TNIP3: variants seen among roughly 807,000 people sequenced by gnomAD.
TNIP3 encodes the protein TNFAIP3 interacting protein 3, also known as TNFAIP3-interacting protein 3.
A neutral mutation model predicts 54.1 loss-of-function variants in TNIP3; 34 were observed. The observed-to-expected ratio is 0.63, with a 90% CI of 0.48 to 0.84. TNIP3 has a LOEUF of 0.84. Ranked by LOEUF, TNIP3 falls within the 40% of genes least tolerant of loss-of-function variation. The probability of loss-of-function intolerance (pLI) is 0.00; values close to 1 mark genes in which losing one functional copy is unlikely to be tolerated. For missense variants in TNIP3, 366 were observed against 387.6 expected (o/e 0.94, Z 0.47); for synonymous variants, 134 against 136.8 (o/e 0.98, Z 0.14).
intron 3 of TNIP3, among the ~76,000 whole-genome samples, chr4:121,180,852 A>G (rs1032920828): frequency 6.6e-6 from 1 of 152,138 alleles, no homozygotes. Flanking sequence ...TCCAATAGTC[A>G]TTTCATATCT....
At chr4:121,186,638 C>T (rs1725038531) in intron 2 of TNIP3, among the ~76,000 whole-genome samples, 1 of 152,096 alleles carries the variant, frequency 6.6e-6, no homozygotes, top group Non-Finnish European at 1.5e-5. Context: ...GCCATATGTA[C>T]AATGCTTAGC....
At position 121,146,824 on chromosome 4, in the gene TNIP3, T is replaced by A. The variant is rs189464100; in HGVS notation, c.735+225A>T. ...AGGACTGTATTTTATTAAAAAAAAC[T>A]TTGGAATGCAATTTCTTGGGCAATT... On this transcript the variant is annotated intron_variant, in intron 7 of 10. Coordinates refer to ENST00000057513, the MANE Select transcript of TNIP3 (RefSeq NM_024873.6). Among the ~76,000 whole-genome samples the A allele has an allele frequency of 1.3e-3, 202 of 152,282 alleles. 1 individual carries two copies. The highest frequency in any genetic ancestry group is 6.8e-3 in the Middle Eastern group (2 of 294).
At chr4:121,174,790 G>A (rs900120859) in intron 3 of TNIP3, among the ~76,000 whole-genome samples, 1 of 152,066 alleles carries the variant, frequency 6.6e-6, no homozygotes, top group African/African-American at 2.4e-5. Flanking sequence ...ACAAAATAAA[G>A]TAAAAAGTGT....
At chr4:121,195,240 A>G (rs190852061) in intron 2 of TNIP3, among the ~76,000 whole-genome samples, 94 of 152,306 alleles carry the variant, frequency 6.2e-4, no homozygotes, top group Non-Finnish European at 1.2e-3. Context: ...ACCCCCATAC[A>G]CCTTCAAAAT....
chr4:121,165,807 T>C (rs1178617469), upstream of TNIP3, among the ~76,000 whole-genome samples: 1 of 152,058 alleles, frequency 6.6e-6, no homozygotes, highest in Non-Finnish European at 1.5e-5. Context: ...TCATTCAGGG[T>C]TCTGAAAGTA....
At chr4:121,183,900 T>G (rs1724856592) in intron 2 of TNIP3, among the ~76,000 whole-genome samples, 1 of 152,052 alleles carries the variant, frequency 6.6e-6, no homozygotes, top group Non-Finnish European at 1.5e-5. Context: ...ATGTAATTAT[T>G]TCATTATATA....
At chr4:121,137,035 C>A (rs867434489) in intron 10 of TNIP3, among the ~76,000 whole-genome samples, 6 of 152,056 alleles carry the variant, frequency 3.9e-5, no homozygotes, top group African/African-American at 1.4e-4. Context: ...TTCATTATTG[C>A]ATATTCTATT....
chr4:121,170,405 A>C (rs1381371600), intron 3 of TNIP3, among the ~76,000 whole-genome samples: 2 of 152,216 alleles, frequency 1.3e-5, no homozygotes, highest in Non-Finnish European at 2.9e-5. Flanking sequence ...GGGGATACAC[A>C]AAGTTATAGG....
chr4:121,188,025 G>A (rs1338625711), intron 2 of TNIP3, among the ~76,000 whole-genome samples: 1 of 152,012 alleles, frequency 6.6e-6, no homozygotes, highest in Non-Finnish European at 1.5e-5. Flanking sequence ...CTTGATTTAA[G>A]GGGGCCTCTT....
At chr4:121,184,520 G>A (rs181192498) in intron 2 of TNIP3, among the ~76,000 whole-genome samples, 4 of 152,272 alleles carry the variant, frequency 2.6e-5, no homozygotes, top group East Asian at 3.9e-4. Context: ...AGAGAAATGC[G>A]GAGCTGAGAG....
At chr4:121,198,613 A>G (rs1175062685) in intron 2 of TNIP3, among the ~76,000 whole-genome samples, 3 of 152,236 alleles carry the variant, frequency 2.0e-5, no homozygotes, top group Non-Finnish European at 4.4e-5. Context: ...AACAAAAACT[A>G]TAGCATTATT....
intron 9 of TNIP3, among the ~76,000 whole-genome samples, chr4:121,139,327 G>C (rs1179673635): frequency 6.6e-6 from 1 of 152,156 alleles, no homozygotes; most frequent in African/African-American, 2.4e-5. Context: ...GCTAGATATT[G>C]AATGTCGAAC....
At chr4:121,204,189 A>C (rs1164563642) in intron 2 of TNIP3, among the ~76,000 whole-genome samples, 1 of 152,172 alleles carries the variant, frequency 6.6e-6, no homozygotes, top group Non-Finnish European at 1.5e-5. Flanking sequence ...CTAAAGGGCA[A>C]AGTCAAGCTG....
chr4:121,198,558 A>G (rs1195763142), intron 2 of TNIP3, among the ~76,000 whole-genome samples: 1 of 152,192 alleles, frequency 6.6e-6, no homozygotes, highest in Non-Finnish European at 1.5e-5. Context: ...AAACAGAAAA[A>G]AATCCCTGTT....
intron 2 of TNIP3, among the ~76,000 whole-genome samples, chr4:121,212,709 A>C (rs1053583972): frequency 6.6e-6 from 1 of 152,170 alleles, no homozygotes; most frequent in Non-Finnish European, 1.5e-5. Context: ...CGGAAGATAC[A>C]TTTTCAGGGA....
At chr4:121,139,513 A>G (rs1728987179) in intron 9 of TNIP3, among the ~76,000 whole-genome samples, 1 of 152,202 alleles carries the variant, frequency 6.6e-6, no homozygotes, top group Non-Finnish European at 1.5e-5. Context: ...TCCACAAGAC[A>G]CAGAGAATAT....
At chr4:121,135,177 G>A (rs1485446507) in intron 10 of TNIP3, among the ~76,000 whole-genome samples, 2 of 152,076 alleles carry the variant, frequency 1.3e-5, no homozygotes, top group Admixed American at 6.5e-5. Flanking sequence ...ATTGTACTTT[G>A]GTTTTCCATG....
chr4:121,207,614 A>G (rs1726257524), intron 2 of TNIP3, among the ~76,000 whole-genome samples: 1 of 152,176 alleles, frequency 6.6e-6, no homozygotes, highest in Admixed American at 6.6e-5. Context: ...TGGCAGCCAC[A>G]CAGAGGAGAG....
intron 2 of TNIP3, chr4:121,216,302 A>T: frequency 1.1e-6 from 1 of 889,594 alleles, no homozygotes; most frequent in Non-Finnish European, 1.7e-6. Context: ...ATATAGCTCC[A>T]TTCAGACAGC....
Sources: gnomAD v4.1 joint callset for allele counts (sites outside exome capture counted in the v4.1 genomes callset) on GRCh38, gnomAD v4.1.1 for gene constraint, MANE v1.5 for transcripts, NCBI Gene and HGNC (gene_info 2026-07-23, HGNC 2026-07-21) for gene names.